USP43: variants seen among roughly 807,000 people sequenced by gnomAD.
USP43 encodes the protein ubiquitin carboxyl-terminal hydrolase 43.
USP43 carries 33 observed loss-of-function variants against 90.7 expected under a neutral mutation model. That is an observed-to-expected ratio of 0.36 (90% CI 0.28 to 0.49). The LOEUF (loss-of-function observed/expected upper bound fraction) is 0.49. Ranked by LOEUF, USP43 falls within the 20% of genes least tolerant of loss-of-function variation. The pLI is 0.98. For missense variants in USP43, 1,274 were observed against 1,476.4 expected (o/e 0.86, Z 2.25); for synonymous variants, 598 against 615.8 (o/e 0.97, Z 0.43).
chr17:9,695,298 ATTCT>A (rs1173192168), intron 9 of USP43, among the ~76,000 whole-genome samples: 2 of 152,014 alleles, frequency 1.3e-5, no homozygotes, highest in Non-Finnish European at 2.9e-5. Context: ...TCTATAGGAA[ATTCT>A]TTTTTTTCTT....
chr17:9,652,617 C>G (rs1386969985), intron 1 of USP43, among the ~76,000 whole-genome samples: 5 of 151,948 alleles, frequency 3.3e-5, no homozygotes, highest in Non-Finnish European at 5.9e-5. Context: ...TGCCTTGGCT[C>G]CCCACAATGC....
chr17:9,713,011 T>C (rs1159442648), intron 14 of USP43, among the ~76,000 whole-genome samples: 3 of 152,204 alleles, frequency 2.0e-5, no homozygotes, highest in Admixed American at 2.0e-4. Flanking sequence ...CTAGCTGTTT[T>C]GAAATATACA....
rs568475208 is a variant in USP43, at chr17:9,681,076, CAT to C, written c.1105+716_1105+717del. ...TATATATAAAATGTATATTATATAT[CAT>C]ATATAATATAATATATGACATATAC... On this transcript the variant is annotated intron_variant, in intron 6 of 14. Transcript: ENST00000285199. Among the ~76,000 whole-genome samples, 880 of 91,404 alleles carry C rather than the reference CAT, an allele frequency of 9.6e-3. 24 individuals are homozygous for C. The highest frequency in any genetic ancestry group is 0.043 in the African/African-American group (836 of 19,476). The allele number at this position is 91,404 out of a possible 152,430, so 60.0% of individuals were successfully genotyped here.
Position 9,728,775 on chromosome 17 carries a change from A to G in USP43, c.3157A>G (p.Arg1053Gly), listed in dbSNP as rs1410251730. The G allele has an allele frequency of 6.2e-7, 1 of 1,608,050 alleles. No homozygotes were observed. The highest frequency in any genetic ancestry group is 8.5e-7 in the Non-Finnish European group (1 of 1,176,972). The change falls in exon 15 of 15, where the codon AGG becomes GGG. Residue 1053 changes from arginine (R) to glycine (G), a missense_variant. Physicochemically the swap from Arg to Gly is moderately radical, Grantham distance 125 (BLOSUM62 -2). Coordinates refer to ENST00000285199, the MANE Select transcript of USP43 (RefSeq NM_153210.5). The surrounding 1 kb of genome is among the most constrained non-coding windows in gnomAD (Gnocchi z 6.2). Reference sequence around the variant, plus strand: ...CCTCAGGATCCCAGAGGGCCTGGCCAGGGGCCTGGGCAGCCGGCTCGAGAG... The same window carrying G: ...CCTCAGGATCCCAGAGGGCCTGGCCGGGGGCCTGGGCAGCCGGCTCGAGAG... ...PALRIPEGLA[R>G]GLGSRLERDV...
chr17:9,723,955 G>GT (rs1428853120), intron 14 of USP43, among the ~76,000 whole-genome samples: 1 of 152,034 alleles, frequency 6.6e-6, no homozygotes, highest in Non-Finnish European at 1.5e-5. Flanking sequence ...TTCAGTCCCT[G>GT]TTTTTTCATT....
chr17:9,663,346 G>A lies in USP43; in HGVS notation c.637-3302G>A, dbSNP rs1912777792. On this transcript the variant is annotated intron_variant, in intron 2 of 14. Transcript: ENST00000285199. Reference sequence around the variant, plus strand: ...AAAGTCTTGCTCTGTCACCCAGGCTGGAATGCAGTGGTGTGATCTCAGCTC... The same window carrying A: ...AAAGTCTTGCTCTGTCACCCAGGCTAGAATGCAGTGGTGTGATCTCAGCTC... Among the ~76,000 whole-genome samples the A allele has an allele frequency of 2.0e-5, 3 of 150,932 alleles. No individual in the cohort carries two copies. The South Asian group carries it at 6.3e-4, about 32-fold the overall frequency.
chr17:9,670,364 A>G (rs1454067080), intron 3 of USP43, among the ~76,000 whole-genome samples: 1 of 152,162 alleles, frequency 6.6e-6, no homozygotes, highest in African/African-American at 2.4e-5. Flanking sequence ...TTTATGAGCA[A>G]TGCAGGGAGG....
Position 9,654,824 on chromosome 17 carries a change from A to G in USP43, c.505-1579A>G, listed in dbSNP as rs1309972540. 2.7e-5 allele frequency among the ~76,000 whole-genome samples: 4 copies of G among 150,936 alleles called. No individual in the cohort carries two copies. In the South Asian group the frequency reaches 8.4e-4, roughly 32 times the overall value. On this transcript the variant is annotated intron_variant, in intron 1 of 14. Coordinates refer to ENST00000285199, the MANE Select transcript of USP43 (RefSeq NM_153210.5). ...GCAATCTCTCCTCACTGCAACCTCT[A>G]CCTCCCGGGTTCAAGCGATTCTCCT... is the stretch of plus-strand genomic sequence containing the variant.
rs1249991299 is a variant in USP43 at position 9,701,317 on chromosome 17, C to G, written c.1663-35C>G. 1.3e-6 allele frequency: 2 copies of G among 1,587,292 alleles called. No individual in the cohort carries two copies. Among genetic ancestry groups the G allele is most frequent in the Non-Finnish European group, 1.7e-6 (2 of 1,165,992 alleles). On this transcript the variant is annotated intron_variant, in intron 11 of 14. Transcript: ENST00000285199. The surrounding 1 kb of genome is among the most constrained non-coding windows in gnomAD (Gnocchi z 7.2). ...CCTTTGGTGGGTTGGCCACGTGCTGCGGGGGCCTCACAGTCCGGGTGGTTT... is the reference window on the plus strand; with the variant it reads ...CCTTTGGTGGGTTGGCCACGTGCTGGGGGGGCCTCACAGTCCGGGTGGTTT...
intron 14 of USP43, among the ~76,000 whole-genome samples, chr17:9,726,797 C>T (rs1917295873): frequency 6.6e-6 from 1 of 152,176 alleles, no homozygotes; most frequent in Non-Finnish European, 1.5e-5. Flanking sequence ...TCAGAGGTCA[C>T]CCTGCAACCT....
chr17:9,645,712 T>A lies in USP43; in HGVS notation c.80T>A (p.Leu27Gln). The change falls in exon 1 of 15, where the codon CTG (leucine) becomes CAG (glutamine). Residue 27 changes from leucine (L) to glutamine (Q), a missense_variant. Coordinates refer to ENST00000285199, the MANE Select transcript of USP43 (RefSeq NM_153210.5). The surrounding 1 kb of genome is among the most constrained non-coding windows in gnomAD (Gnocchi z 6.8). ...RPRRRRSLRRLFSRFLLALGS... is the reference protein window; with the variant it reads ...RPRRRRSLRRQFSRFLLALGS... Reference sequence around the variant, plus strand: ...CGCCGCCGCCGCTCCCTGCGCCGCCTGTTCAGCCGCTTCCTGCTGGCGCTG... The same window carrying A: ...CGCCGCCGCCGCTCCCTGCGCCGCCAGTTCAGCCGCTTCCTGCTGGCGCTG... 7.5e-7 allele frequency: 1 copy of A among 1,334,598 alleles called. No homozygotes were observed. Among genetic ancestry groups the A allele is most frequent in the South Asian group, 2.0e-5 (1 of 50,006 alleles). 82.7% of individuals were successfully genotyped at this position (1,334,598 alleles called of 1,614,324 possible).
rs1347954963 is a variant in USP43, at chr17:9,728,779, G to T, written c.3161G>T (p.Gly1054Val). Reference sequence around the variant, plus strand: ...AGGATCCCAGAGGGCCTGGCCAGGGGCCTGGGCAGCCGGCTCGAGAGGGAT... The same window carrying T: ...AGGATCCCAGAGGGCCTGGCCAGGGTCCTGGGCAGCCGGCTCGAGAGGGAT... ...ALRIPEGLARGLGSRLERDVW... is the reference protein window; with the variant it reads ...ALRIPEGLARVLGSRLERDVW... The change falls in exon 15 of 15, where the codon GGC (glycine) becomes GTC (valine). Residue 1054 changes from glycine (G) to valine (V), a missense_variant. Gly to Val is a moderately radical substitution (Grantham distance 109, BLOSUM62 -3). This residue lies in a region of USP43 where 353 missense variants were observed against 329.7 expected (regional missense o/e 1.07). Transcript: ENST00000285199. This position sits in a 1 kb window ranked among gnomAD's most constrained non-coding sequence, Gnocchi z 6.2. 6.2e-7 allele frequency: 1 copy of T among 1,608,756 alleles called. No individual in the cohort carries two copies. Among genetic ancestry groups the T allele is most frequent in the Non-Finnish European group, 8.5e-7 (1 of 1,177,416 alleles).
At chr17:9,708,003 C>T (rs1915980738) in intron 12 of USP43, among the ~76,000 whole-genome samples, 1 of 152,196 alleles carries the variant, frequency 6.6e-6, no homozygotes. Flanking sequence ...AGACATAAGG[C>T]CTCTGCAAGG....
chr17:9,681,197 TAC>T (rs796139422), intron 6 of USP43, among the ~76,000 whole-genome samples: 2,111 of 64,772 alleles, frequency 0.033, 293 homozygotes, highest in East Asian at 0.14. Flanking sequence ...ATATAATATA[TAC>T]TATATAATAT....
intron 2 of USP43, among the ~76,000 whole-genome samples, chr17:9,660,552 T>C (rs901752993): frequency 2.6e-5 from 4 of 152,102 alleles, no homozygotes; most frequent in African/African-American, 9.7e-5. Context: ...CACCACTAGA[T>C]AGAAAGGAAA....
rs2151972150 is a variant in USP43, at chr17:9,674,458, A to G, written c.741-433A>G. ...TTCCCTCAGCTCCTGGCAACCACCA[A>G]TTTGCTTTCTGTGTCTATGGCATTA... is the stretch of plus-strand genomic sequence containing the variant. On this transcript the variant is annotated intron_variant, in intron 3 of 14. Coordinates refer to ENST00000285199, the MANE Select transcript of USP43 (RefSeq NM_153210.5). The surrounding 1 kb of genome is among the most constrained non-coding windows in gnomAD (Gnocchi z 4.4). Among the ~76,000 whole-genome samples, 1 of 152,110 alleles carries G rather than the reference A, an allele frequency of 6.6e-6. No homozygotes were observed. The highest frequency in any genetic ancestry group is 1.9e-4 in the East Asian group (1 of 5,166).
Position 9,728,662 on chromosome 17 carries a change from A to G in USP43, c.3044A>G (p.Glu1015Gly), listed in dbSNP as rs1917410489. 6.2e-7 allele frequency: 1 copy of G among 1,613,482 alleles called. No individual in the cohort carries two copies. Among genetic ancestry groups the G allele is most frequent in the Non-Finnish European group, 8.5e-7 (1 of 1,179,766 alleles). The part of the protein sequence containing the change: ...KKENRRNERA[E>G]VSPQVPPVSL... Reference sequence around the variant, plus strand: ...GAGAACAGGAGGAATGAGAGGGCAGAGGTCTCTCCACAGGTGCCCCCCGTC... The same window carrying G: ...GAGAACAGGAGGAATGAGAGGGCAGGGGTCTCTCCACAGGTGCCCCCCGTC... The change falls in exon 15 of 15, where the codon GAG (glutamate) becomes GGG (glycine). Residue 1015 changes from glutamate (E) to glycine (G), a missense_variant. By Grantham distance (98) the Glu-to-Gly change is moderately conservative. Transcript: ENST00000285199. This position sits in a 1 kb window ranked among gnomAD's most constrained non-coding sequence, Gnocchi z 6.2.
At chr17:9,712,789 G>A (rs1597884108) in intron 14 of USP43, among the ~76,000 whole-genome samples, 1 of 59,722 alleles carries the variant, frequency 1.7e-5, no homozygotes, top group Non-Finnish European at 2.8e-5. Flanking sequence ...AGGTGTTTTT[G>A]TTTGTTTGTT....
At chr17:9,716,005 G>A (rs1916542335) in intron 14 of USP43, among the ~76,000 whole-genome samples, 1 of 142,240 alleles carries the variant, frequency 7.0e-6, no homozygotes, top group South Asian at 2.1e-4. Flanking sequence ...CTGTGTGTGT[G>A]TCTGTGTGTG....
Sources: allele counts gnomAD v4.1 joint callset (sites outside exome capture counted in the v4.1 genomes callset), GRCh38; gene constraint gnomAD v4.1.1; regional missense constraint gnomAD v4.1.1; non-coding constraint Gnocchi (gnomAD v3.1); transcripts MANE v1.5; gene names NCBI Gene and HGNC (gene_info 2026-07-23, HGNC 2026-07-21).